Variants in KTN1 observed in about 807,000 individuals in gnomAD.
KTN1 encodes kinectin 1, also known as kinectin.
In KTN1, 130 loss-of-function variants were observed where a neutral mutation model predicts 222.5. The ratio of observed to expected loss-of-function variants is 0.58; its 90% CI spans 0.51 to 0.68. The LOEUF is 0.68. Among genes scored for constraint, KTN1 ranks in the 30% least tolerant of loss-of-function variants. The pLI is 0.00. For missense variants in KTN1, 1,508 were observed against 1,500.4 expected (o/e 1.01, Z -0.08); for synonymous variants, 512 against 496.3 (o/e 1.03, Z -0.42).
chr14:55,614,215 T>G (rs2140657782), intron 2 of KTN1, among the ~76,000 whole-genome samples: 1 of 152,300 alleles, frequency 6.6e-6, no homozygotes, highest in Non-Finnish European at 1.5e-5. Flanking sequence ...TTCAAGCAGT[T>G]TAGTTACATG....
rs145249911 is a variant in KTN1 at position 55,640,685 on chromosome 14, T to G, written c.1983+243T>G. Among the ~76,000 whole-genome samples the G allele has an allele frequency of 6.6e-5, 10 of 152,066 alleles. No homozygotes were observed. In the East Asian group the frequency reaches 1.7e-3, roughly 26 times the overall value. On this transcript the variant is annotated intron_variant, in intron 15 of 43. Transcript: ENST00000395314. ...ATCTTACTATGCTGGTTTGTTTGAG[T>G]CTTTTATTTGAGCCATTTAATTCAA...
At chr14:55,636,960 C>T (rs2041201444) in intron 10 of KTN1, among the ~76,000 whole-genome samples, 1 of 151,946 alleles carries the variant, frequency 6.6e-6, no homozygotes, top group South Asian at 2.1e-4. Context: ...CTCATTTACT[C>T]TTAATTTGAT....
intron 5 of KTN1, among the ~76,000 whole-genome samples, chr14:55,627,197 T>C (rs1411929668): frequency 6.6e-6 from 1 of 152,224 alleles, no homozygotes; most frequent in Non-Finnish European, 1.5e-5. Context: ...AGGAAATTAC[T>C]GTCTTGACTC....
At chr14:55,625,805 G>C (rs1304146387) in intron 5 of KTN1, among the ~76,000 whole-genome samples, 1 of 151,764 alleles carries the variant, frequency 6.6e-6, no homozygotes, top group Non-Finnish European at 1.5e-5. Flanking sequence ...TTGTTTCACT[G>C]TTCTCTTTAT....
intron 2 of KTN1, among the ~76,000 whole-genome samples, chr14:55,613,329 G>T (rs995591615): frequency 6.6e-6 from 1 of 152,034 alleles, no homozygotes; most frequent in Admixed American, 6.6e-5. Flanking sequence ...TGGATGGGGA[G>T]GGGAGGGAGA....
intron 8 of KTN1, 126 bp downstream of exon 8, chr14:55,633,467 G>A (rs1015433594): frequency 1.9e-6 from 1 of 525,256 alleles, no homozygotes; most frequent in Non-Finnish European, 3.3e-6. Context: ...TCTAAAATGA[G>A]TTACTTTTAA....
chr14:55,637,294 G>C lies in KTN1; in HGVS notation c.1646G>C (p.Arg549Thr). The C allele has an allele frequency of 5.0e-6, 8 of 1,611,266 alleles. No homozygotes were observed. The highest frequency in any genetic ancestry group is 6.8e-6 in the Non-Finnish European group (8 of 1,178,270). Residue 549 changes from arginine to threonine, a missense_variant, in exon 11 of 44, where the codon AGA becomes ACA. Arg to Thr is a moderately conservative substitution (Grantham distance 71, BLOSUM62 -1). Coordinates refer to ENST00000395314, the MANE Select transcript of KTN1 (RefSeq NM_001079521.2). ...GTATCAAAACAACAGTTGGAGCAAA[G>C]ACTAATGCAGTTAATGGAATCAGAG... The part of the protein sequence containing the change: ...TLVSKQQLEQ[R>T]LMQLMESEQK...
intron 31 of KTN1, among the ~76,000 whole-genome samples, 181 bp downstream of exon 31, chr14:55,659,884 G>A (rs1193622815): frequency 6.6e-6 from 1 of 152,060 alleles, no homozygotes; most frequent in Non-Finnish European, 1.5e-5. Flanking sequence ...TTTTTTTATG[G>A]TATTTGGATT....
intron 1 of KTN1, among the ~76,000 whole-genome samples, chr14:55,603,418 A>C (rs1303501985): frequency 6.6e-6 from 1 of 152,228 alleles, no homozygotes; most frequent in African/African-American, 2.4e-5. Flanking sequence ...TAAATTCAGA[A>C]GTCAATTACT....
chr14:55,591,419 T>C (rs987160596), intron 1 of KTN1, among the ~76,000 whole-genome samples: 1 of 152,128 alleles, frequency 6.6e-6, no homozygotes, highest in African/African-American at 2.4e-5. Flanking sequence ...TTAGTGTAAA[T>C]TGTTTTCTTT....
chr14:55,642,337 C>G (rs761022169), intron 18 of KTN1, among the ~76,000 whole-genome samples: 1 of 152,128 alleles, frequency 6.6e-6, no homozygotes, highest in African/African-American at 2.4e-5. Context: ...TCCATCTCAT[C>G]TCCATCCCCT....
Position 55,640,926 on chromosome 14 carries a change from C to T in KTN1, c.1984-7C>T. The T allele has an allele frequency of 6.2e-7, 1 of 1,611,292 alleles. No homozygotes were observed. Among genetic ancestry groups the T allele is most frequent in the South Asian group, 1.1e-5 (1 of 90,858 alleles). On this transcript the variant is annotated splice_region_variant and splice_polypyrimidine_tract_variant and intron_variant, in intron 15 of 43. Coordinates refer to ENST00000395314, the MANE Select transcript of KTN1 (RefSeq NM_001079521.2). The stretch of plus-strand genomic sequence containing the variant: ...GTGATATCATTTTCTTCTCATTCCA[C>T]ACACAGGCTGCTGCTGCACATGAAT...
chr14:55,663,728 C>G (rs1452683071), intron 32 of KTN1: 1 of 413,058 alleles, frequency 2.4e-6, no homozygotes, highest in African/African-American at 2.1e-5. Flanking sequence ...ATTTTAAAAG[C>G]TGGCCTATTT....
chr14:55,636,832 T>G (rs1411580920), intron 10 of KTN1, among the ~76,000 whole-genome samples: 6 of 151,896 alleles, frequency 4.0e-5, no homozygotes, highest in African/African-American at 1.4e-4. Flanking sequence ...GTTCTTTGGT[T>G]AATTCTTTTT....
At chr14:55,662,706 A>G (rs1369810954) in intron 32 of KTN1, among the ~76,000 whole-genome samples, 2 of 152,060 alleles carry the variant, frequency 1.3e-5, no homozygotes, top group African/African-American at 4.8e-5. Context: ...CTGTTTTTCA[A>G]AGTTTGTGTT....
Position 55,671,974 on chromosome 14 carries a change from C to A in KTN1, c.3531+97C>A, listed in dbSNP as rs778246708. On this transcript the variant is annotated intron_variant, in intron 37 of 43. Transcript: ENST00000395314. ...CCATGCACATTCTTGGGCCCCAACC[C>A]AGCTACCAAATCCAAAACATGTATG... 5.5e-6 allele frequency: 4 copies of A among 727,924 alleles called. No homozygotes were observed. In the South Asian group the frequency reaches 7.1e-5, roughly 13 times the overall value. The allele number at this position is 727,924 out of a possible 1,614,324, so 45.1% of individuals were successfully genotyped here. A position where few individuals can be genotyped will look rare whatever the true frequency, so the allele number is the denominator to read the frequency against.
chr14:55,657,644 T>G (rs1392468024), intron 29 of KTN1, among the ~76,000 whole-genome samples: 1 of 152,056 alleles, frequency 6.6e-6, no homozygotes, highest in Non-Finnish European at 1.5e-5. Flanking sequence ...GGTGTGGTAG[T>G]TCACAGTAGT....
chr14:55,642,704 T>C (rs1462284641), intron 18 of KTN1, among the ~76,000 whole-genome samples: 2 of 152,188 alleles, frequency 1.3e-5, no homozygotes, highest in South Asian at 2.1e-4. Context: ...ATTGAGCTGG[T>C]GTAAGTAGCT....
In KTN1 at chr14:55,618,052, G is replaced by C; in HGVS notation, c.750G>C (p.Glu250Asp). Residue 250 changes from glutamate to aspartate, a missense_variant, in exon 4 of 44, where the codon GAG (glutamate) becomes GAC (aspartate). By Grantham distance (45) the Glu-to-Asp change is conservative. Coordinates refer to ENST00000395314, the MANE Select transcript of KTN1 (RefSeq NM_001079521.2). ...ADSSPVVDKR[E>D]VIDLLKPDQV... is the part of the protein sequence containing the mutation. ...CAAGTCCTGTGGTAGATAAGAGAGAGGTTATTGATTTGCTTAAACCTGACC... is the reference window on the plus strand; with the variant it reads ...CAAGTCCTGTGGTAGATAAGAGAGACGTTATTGATTTGCTTAAACCTGACC... 2 of 1,612,806 alleles carry C rather than the reference G, an allele frequency of 1.2e-6. No individual in the cohort carries two copies. Among genetic ancestry groups the C allele is most frequent in the South Asian group, 2.2e-5 (2 of 91,036 alleles).
Sources: allele counts gnomAD v4.1 joint callset (sites outside exome capture counted in the v4.1 genomes callset), GRCh38; gene constraint gnomAD v4.1.1; transcripts MANE v1.5; gene names NCBI Gene and HGNC (gene_info 2026-07-23, HGNC 2026-07-21).